ZWILCH: variants seen among roughly 807,000 people sequenced by gnomAD.
ZWILCH encodes zwilch kinetochore protein.
ZWILCH carries 74 observed loss-of-function variants against 79.9 expected under a neutral mutation model. The ratio of observed to expected loss-of-function variants is 0.93; its 90% CI spans 0.77 to 1.12. The LOEUF (loss-of-function observed/expected upper bound fraction) is 1.12. Among genes scored for constraint, ZWILCH ranks in the 50% most tolerant of loss-of-function variants. ZWILCH has a pLI of 0.00. For synonymous variants in ZWILCH, 241 were observed against 228.2 expected, an observed-to-expected ratio of 1.06 and a Z score of -0.51; for missense variants, 694 against 687.5, an observed-to-expected ratio of 1.01 and a Z score of -0.11.
At chr15:66,518,143 A>G (rs1327009832) in intron 4 of ZWILCH, among the ~76,000 whole-genome samples, 1 of 152,050 alleles carries the variant, frequency 6.6e-6, no homozygotes, top group East Asian at 1.9e-4. Context: ...CCCTGCTCAT[A>G]GTAGCTCCAA....
At position 66,518,882 on chromosome 15, in the gene ZWILCH, G is replaced by A. The variant is rs1382034546; in HGVS notation, c.324G>A (p.Gln108=). Residue 108 remains glutamine, a synonymous_variant, in exon 5 of 19, where the codon CAG becomes CAA. Coordinates refer to ENST00000307897, the MANE Select transcript of ZWILCH (RefSeq NM_017975.5). ...TGTCCTTACTCTTGTTTTAAAGGCA[G>A]TTAATTGGACTTTACACCATGGCTC... ...PLALPVGKAR[Q]LIGLYTMAHN... The A allele has an allele frequency of 3.1e-6, 5 of 1,613,798 alleles. No homozygotes were observed. The highest frequency in any genetic ancestry group is 4.2e-6 in the Non-Finnish European group (5 of 1,179,848).
At chr15:66,537,855 G>A (rs949020295) in intron 16 of ZWILCH, among the ~76,000 whole-genome samples, 1 of 152,142 alleles carries the variant, frequency 6.6e-6, no homozygotes, top group Admixed American at 6.6e-5. Flanking sequence ...GTCTGAGAGA[G>A]TTCTCCCTCT....
chr15:66,520,748 A>G (rs1894463367), intron 6 of ZWILCH, 88 bp downstream of exon 6: 1 of 833,638 alleles, frequency 1.2e-6, no homozygotes, highest in Admixed American at 3.0e-5. Context: ...CACTCCTAAG[A>G]TGACTAGATA....
At chr15:66,528,225 C>G (rs562684061) in intron 10 of ZWILCH, among the ~76,000 whole-genome samples, 46 of 152,276 alleles carry the variant, frequency 3.0e-4, no homozygotes, top group Admixed American at 2.6e-3. Flanking sequence ...CACCTCAGGT[C>G]CCCGAGTAGC....
Position 66,531,173 on chromosome 15 carries a change from C to T in ZWILCH, c.1156-1074C>T, listed in dbSNP as rs186297754. On this transcript the variant is annotated intron_variant, in intron 12 of 18. Coordinates refer to ENST00000307897, the MANE Select transcript of ZWILCH (RefSeq NM_017975.5). ...TTTTTAATTTACAAATTATCAAGTT[C>T]GTATGTTGGATATTGTAGCCAATGA... Among the ~76,000 whole-genome samples, 565 of 152,210 alleles carry T rather than the reference C, an allele frequency of 3.7e-3. 2 individuals are homozygous for T. Among genetic ancestry groups the T allele is most frequent in the African/African-American group, 0.013 (538 of 41,510 alleles).
intron 3 of ZWILCH, 134 bp downstream of exon 3, chr15:66,514,217 G>A: frequency 1.9e-6 from 1 of 540,092 alleles, no homozygotes; most frequent in Non-Finnish European, 3.3e-6. Context: ...AGTAAGTGTA[G>A]TGCTGTCCAG....
intron 18 of ZWILCH, 57 bp from the exon 19 acceptor site, chr15:66,548,294 C>T: frequency 2.5e-6 from 1 of 397,734 alleles, no homozygotes; most frequent in Non-Finnish European, 4.5e-6. Flanking sequence ...GGTGAGATTA[C>T]AAGTGTTTTT....
chr15:66,539,001 C>G (rs780783003), intron 16 of ZWILCH, among the ~76,000 whole-genome samples: 3 of 152,198 alleles, frequency 2.0e-5, no homozygotes, highest in Non-Finnish European at 2.9e-5. Context: ...ACCCATCTTT[C>G]TAAATGCCTA....
intron 4 of ZWILCH, among the ~76,000 whole-genome samples, chr15:66,518,242 T>C (rs2140758927): frequency 6.6e-6 from 1 of 152,100 alleles, no homozygotes; most frequent in African/African-American, 2.4e-5. Context: ...TACATACATG[T>C]TGCTATTTAA....
chr15:66,528,295 G>C (rs2140781770), intron 10 of ZWILCH, among the ~76,000 whole-genome samples: 1 of 152,204 alleles, frequency 6.6e-6, no homozygotes. Context: ...GTAGAGATGG[G>C]TTCTCACTAT....
chr15:66,509,370 C>CT (rs1893943306), intron 2 of ZWILCH, among the ~76,000 whole-genome samples: 1 of 152,170 alleles, frequency 6.6e-6, no homozygotes, highest in Admixed American at 6.5e-5. Flanking sequence ...AAACATTAAT[C>CT]TATTTTTTGT....
chr15:66,543,585 G>A lies in ZWILCH; in HGVS notation c.1688-3006G>A, dbSNP rs147042831. 6.8e-4 allele frequency among the ~76,000 whole-genome samples: 103 copies of A among 152,056 alleles called. No individual in the cohort carries two copies. The East Asian group carries it at 0.016, about 23-fold the overall frequency. ...CAGCCTGGGTAACACAGTGGGACCC[G>A]ATCTGTACAAAAAATACAAAAATTA... On this transcript the variant is annotated intron_variant, in intron 17 of 18. Coordinates refer to ENST00000307897, the MANE Select transcript of ZWILCH (RefSeq NM_017975.5).
intron 11 of ZWILCH, 76 bp from the exon 12 acceptor site, chr15:66,529,418 G>T: frequency 1.1e-6 from 1 of 932,092 alleles, no homozygotes. Flanking sequence ...CTTCATTTGT[G>T]TATCCTTAAG....
At position 66,549,924 on chromosome 15, in the gene ZWILCH, C is replaced by G; in HGVS notation, c.*1600C>G. Reference sequence around the variant, plus strand: ...TGCTTCAAAGAAACCTGATTTTAATCATAAGTAGTTTTGGAAGATTGACTT... The same window carrying G: ...TGCTTCAAAGAAACCTGATTTTAATGATAAGTAGTTTTGGAAGATTGACTT... On this transcript the variant is annotated 3_prime_UTR_variant, in exon 19 of 19. Coordinates refer to ENST00000307897, the MANE Select transcript of ZWILCH (RefSeq NM_017975.5). 1 of 571,448 alleles carries G rather than the reference C, an allele frequency of 1.7e-6. No homozygotes were observed. The highest frequency in any genetic ancestry group is 2.9e-6 in the Non-Finnish European group (1 of 344,630). 35.4% of individuals were successfully genotyped at this position (571,448 alleles called of 1,614,324 possible).
At chr15:66,517,760 A>G (rs1894340812) in intron 4 of ZWILCH, among the ~76,000 whole-genome samples, 2 of 45,434 alleles carry the variant, frequency 4.4e-5, no homozygotes, top group Non-Finnish European at 7.1e-5. Flanking sequence ...TTTGAGACAG[A>G]GTCACTCTGT....
At chr15:66,515,029 C>T (rs906414131) in intron 3 of ZWILCH, among the ~76,000 whole-genome samples, 1 of 152,146 alleles carries the variant, frequency 6.6e-6, no homozygotes, top group Non-Finnish European at 1.5e-5. Context: ...GCAGCCTCCA[C>T]CTCCCAAGCT....
Position 66,509,869 on chromosome 15 carries a change from A to C in ZWILCH, c.105+977A>C, listed in dbSNP as rs796473960. 6.9e-3 allele frequency among the ~76,000 whole-genome samples: 708 copies of C among 102,204 alleles called. 9 individuals carry two copies. In the Middle Eastern group the frequency reaches 0.071, roughly 10 times the overall value. The allele number at this position is 102,204 out of a possible 152,430, so 67.0% of individuals were successfully genotyped here. On this transcript the variant is annotated intron_variant, in intron 2 of 18. Coordinates refer to ENST00000307897, the MANE Select transcript of ZWILCH (RefSeq NM_017975.5). ...TATATATATATATATATATATATAT[A>C]TCTCTTAAAAATCAATGAGGAAGAT... is the stretch of plus-strand genomic sequence containing the variant.
At chr15:66,535,803 TCTG>T in intron 14 of ZWILCH, 127 bp from the exon 15 acceptor site, 1 of 697,166 alleles carries the variant, frequency 1.4e-6, no homozygotes, top group Non-Finnish European at 2.2e-6. Context: ...TCTAGCTTCT[TCTG>T]GTCTTTTTTT....
At chr15:66,518,740 G>A (rs1265364509) in intron 4 of ZWILCH, 139 bp from the exon 5 acceptor site, 4 of 742,524 alleles carry the variant, frequency 5.4e-6, no homozygotes, top group African/African-American at 3.5e-5. Flanking sequence ...GAGCCAAGGA[G>A]GCCAAGGCTG....
Sources: gnomAD v4.1 joint callset for allele counts (sites outside exome capture counted in the v4.1 genomes callset) on GRCh38, gnomAD v4.1.1 for gene constraint, MANE v1.5 for transcripts, NCBI Gene and HGNC (gene_info 2026-07-23, HGNC 2026-07-21) for gene names.